The following INPP4B variants were observed in gnomAD, a reference collection of about 807,000 sequenced individuals.
The protein encoded by INPP4B is inositol polyphosphate-4-phosphatase type II B.
A neutral mutation model predicts 122.5 loss-of-function variants in INPP4B; 55 were observed. The ratio of observed to expected loss-of-function variants is 0.45; its 90% CI spans 0.36 to 0.56. The LOEUF is 0.56. Among genes scored for constraint, INPP4B ranks in the 20% least tolerant of loss-of-function variants. INPP4B has a pLI of 0.00. For missense variants in INPP4B, 1,000 were observed against 1,097.7 expected (o/e 0.91, Z 1.26); for synonymous variants, 403 against 388.7 (o/e 1.04, Z -0.43).
chr4:142,256,569 A>G (rs1167412616), intron 11 of INPP4B, among the ~76,000 whole-genome samples: 1 of 152,216 alleles, frequency 6.6e-6, no homozygotes, highest in African/African-American at 2.4e-5. Flanking sequence ...AGAGAATACT[A>G]CAAACACCTC....
intron 1 of INPP4B, among the ~76,000 whole-genome samples, chr4:142,803,104 G>A (rs1344558278): frequency 2.0e-5 from 3 of 150,708 alleles, no homozygotes; most frequent in African/African-American, 4.9e-5. Flanking sequence ...CCCAGGAGGC[G>A]GAGGTTGCCG....
intron 2 of INPP4B, among the ~76,000 whole-genome samples, chr4:142,634,499 G>C (rs1239502868): frequency 2.0e-5 from 3 of 151,978 alleles, no homozygotes; most frequent in Admixed American, 2.0e-4. Context: ...ACACAACCAA[G>C]TTCAACCAAG....
chr4:142,188,512 A>ATATATAT (rs1188321189), intron 15 of INPP4B, among the ~76,000 whole-genome samples: 864 of 31,970 alleles, frequency 0.027, 40 homozygotes, highest in Non-Finnish European at 0.043. Flanking sequence ...AAAAAAAAAG[A>ATATATAT]AAAAAAATAT....
intron 15 of INPP4B, among the ~76,000 whole-genome samples, chr4:142,175,942 T>C (rs1049099203): frequency 5.9e-5 from 9 of 151,968 alleles, no homozygotes; most frequent in Admixed American, 2.6e-4. Flanking sequence ...TGCAGAGTCA[T>C]GTGGTCACTT....
chr4:142,229,499 C>T (rs948699009), intron 12 of INPP4B, among the ~76,000 whole-genome samples: 2 of 152,066 alleles, frequency 1.3e-5, no homozygotes, highest in African/African-American at 4.8e-5. Flanking sequence ...CCCTGCTTTC[C>T]ACATGGCCGG....
intron 2 of INPP4B, among the ~76,000 whole-genome samples, chr4:142,516,492 A>G (rs1345756382): frequency 3.3e-5 from 5 of 152,158 alleles, no homozygotes; most frequent in Admixed American, 2.6e-4. Context: ...GGACAGAGAG[A>G]GTAAGTCACC....
intron 14 of INPP4B, chr4:142,202,602 T>C (rs759482897): frequency 1.3e-5 from 3 of 225,620 alleles, no homozygotes; most frequent in Non-Finnish European, 2.2e-5. Context: ...GATTATAAAA[T>C]GAAAGGCCAA....
At chr4:142,784,408 TAAAA>T (rs772362201) in intron 1 of INPP4B, among the ~76,000 whole-genome samples, 2 of 133,374 alleles carry the variant, frequency 1.5e-5, no homozygotes, top group Admixed American at 7.7e-5. Flanking sequence ...AATAAATAAA[TAAAA>T]ATTAAAATCA....
At chr4:142,483,761 C>T (rs980081103) in intron 2 of INPP4B, among the ~76,000 whole-genome samples, 3 of 151,984 alleles carry the variant, frequency 2.0e-5, no homozygotes, top group Non-Finnish European at 4.4e-5. Flanking sequence ...TTCTTGCTAT[C>T]GTGTTGAGTG....
At chr4:142,270,480 A>G (rs1406343068) in intron 10 of INPP4B, among the ~76,000 whole-genome samples, 183 bp downstream of exon 10, 1 of 152,208 alleles carries the variant, frequency 6.6e-6, no homozygotes, top group Non-Finnish European at 1.5e-5. Context: ...CATAGTTCCA[A>G]GCAAATAGGC....
chr4:142,831,077 T>C (rs767907885), intron 1 of INPP4B, among the ~76,000 whole-genome samples: 1 of 151,984 alleles, frequency 6.6e-6, no homozygotes, highest in Non-Finnish European at 1.5e-5. Context: ...TGGTGGGTTA[T>C]TAAAGAACTG....
intron 18 of INPP4B, among the ~76,000 whole-genome samples, chr4:142,131,713 T>A (rs1397459795): frequency 1.3e-5 from 2 of 152,198 alleles, no homozygotes; most frequent in Admixed American, 1.3e-4. Flanking sequence ...CCCAGCACTT[T>A]GGGAGGCCAA....
chr4:142,082,223 T>C (rs1245945556), intron 24 of INPP4B, 38 bp from the exon 25 acceptor site: 3 of 1,468,342 alleles, frequency 2.0e-6, no homozygotes, highest in South Asian at 1.5e-5. Flanking sequence ...CTTGTTCATT[T>C]GTAATACCGT....
intron 2 of INPP4B, among the ~76,000 whole-genome samples, chr4:142,510,467 C>T (rs1278384161): frequency 6.6e-6 from 1 of 152,162 alleles, no homozygotes; most frequent in African/African-American, 2.4e-5. Context: ...ACTTGTGGCA[C>T]ATTGATCTCA....
intron 12 of INPP4B, among the ~76,000 whole-genome samples, chr4:142,233,427 T>G (rs1855306142): frequency 6.6e-6 from 1 of 152,292 alleles, no homozygotes; most frequent in African/African-American, 2.4e-5. Context: ...CAGGCACAAC[T>G]TCTGTCTTTA....
Position 142,042,508 on chromosome 4 carries a change from ATGTGTGTG to A in INPP4B, c.2643-13602_2643-13595del, listed in dbSNP as rs368600069. ...CAACCCCCTTTTCCACTGCCAATTT[ATGTGTGTG>A]TGTATGTATGTATGTATGTATGTAT... On this transcript the variant is annotated intron_variant, in intron 25 of 25. Coordinates refer to ENST00000262992, the MANE Select transcript of INPP4B (RefSeq NM_001101669.3). Among the ~76,000 whole-genome samples the A allele has an allele frequency of 1.7e-3, 248 of 142,430 alleles. 2 individuals are homozygous for A. The highest frequency in any genetic ancestry group is 0.016 in the East Asian group (75 of 4,650). The allele number at this position is 142,430 out of a possible 152,430, so 93.4% of individuals were successfully genotyped here. A position where few individuals can be genotyped will look rare whatever the true frequency, so the allele number is the denominator to read the frequency against.
Position 142,314,727 on chromosome 4 carries a change from G to A in INPP4B, c.408C>T (p.Pro136=). The A allele has an allele frequency of 1.2e-6, 2 of 1,601,246 alleles. No homozygotes were observed. The highest frequency in any genetic ancestry group is 2.3e-5 in the South Asian group (2 of 87,502). Residue 136 remains proline, a synonymous_variant, in exon 8 of 26, where the codon CCC becomes CCT. Transcript: ENST00000262992. Reference sequence around the variant, plus strand: ...AAACACTTACCCCAACTTCTGGCGGGGGATCCTTATGTTCTGGTAGGACAC... The same window carrying A: ...AAACACTTACCCCAACTTCTGGCGGAGGATCCTTATGTTCTGGTAGGACAC... ...RTSVLPEHKD[P]PPEVGRSFLG... is the part of the protein sequence containing the mutation.
chr4:142,598,917 G>T (rs1207607312), intron 2 of INPP4B, among the ~76,000 whole-genome samples: 1 of 152,172 alleles, frequency 6.6e-6, no homozygotes, highest in Non-Finnish European at 1.5e-5. Flanking sequence ...GGCTGGGAGT[G>T]CCAAGTGCAC....
intron 2 of INPP4B, among the ~76,000 whole-genome samples, chr4:142,476,163 C>T (rs964727248): frequency 6.6e-6 from 1 of 152,126 alleles, no homozygotes; most frequent in African/African-American, 2.4e-5. Flanking sequence ...AACCTACAAG[C>T]CAGAACAGAC....
Sources: gnomAD v4.1 joint callset for allele counts (sites outside exome capture counted in the v4.1 genomes callset) on GRCh38, gnomAD v4.1.1 for gene constraint, MANE v1.5 for transcripts, NCBI Gene and HGNC (gene_info 2026-07-23, HGNC 2026-07-21) for gene names.